The following LUZP2 variants were observed in gnomAD, a reference collection of about 807,000 sequenced individuals.
LUZP2 encodes the protein leucine zipper protein 2.
In LUZP2, 52 loss-of-function variants were observed where a neutral mutation model predicts 51.6. The ratio of observed to expected loss-of-function variants is 1.01; its 90% CI spans 0.81 to 1.27. The LOEUF (loss-of-function observed/expected upper bound fraction) is 1.27. Among genes scored for constraint, LUZP2 ranks in the 50% most tolerant of loss-of-function variants. The pLI is 0.00. For synonymous variants in LUZP2, 154 were observed against 137.3 expected, an observed-to-expected ratio of 1.12 and a Z score of -0.85; for missense variants, 436 against 395.4, an observed-to-expected ratio of 1.10 and a Z score of -0.87.
chr11:24,720,398 G>A (rs1184182401), intron 1 of LUZP2, among the ~76,000 whole-genome samples: 1 of 152,162 alleles, frequency 6.6e-6, no homozygotes, highest in Non-Finnish European at 1.5e-5. Flanking sequence ...GAATCTAGCA[G>A]AAGTATACAT....
chr11:24,749,164 T>C lies in LUZP2; in HGVS notation c.333+10862T>C, dbSNP rs556336927. Among the ~76,000 whole-genome samples the C allele has an allele frequency of 1.4e-4, 22 of 152,286 alleles. No homozygotes were observed. The East Asian group carries it at 3.7e-3, about 25-fold the overall frequency. On this transcript the variant is annotated intron_variant, in intron 4 of 11. Transcript: ENST00000336930. Reference sequence around the variant, plus strand: ...TACAGTAGAGGCCAAAATTTCCAAGTAACCAACTTCAAAGGGAATCGGACC... The same window carrying C: ...TACAGTAGAGGCCAAAATTTCCAAGCAACCAACTTCAAAGGGAATCGGACC...
At chr11:24,651,397 TAC>T (rs1433254936) in intron 1 of LUZP2, among the ~76,000 whole-genome samples, 12 of 151,990 alleles carry the variant, frequency 7.9e-5, no homozygotes, top group Admixed American at 2.6e-4. Context: ...CAACTACAAA[TAC>T]ACACACACAG....
intron 5 of LUZP2, among the ~76,000 whole-genome samples, chr11:24,866,461 T>A (rs1214391773): frequency 6.6e-6 from 1 of 152,160 alleles, no homozygotes; most frequent in Non-Finnish European, 1.5e-5. Context: ...ACTGCTCAAG[T>A]TTCTTTCAGA....
intron 1 of LUZP2, among the ~76,000 whole-genome samples, chr11:24,541,919 A>AC (rs1851379273): frequency 6.6e-6 from 1 of 151,196 alleles, no homozygotes; most frequent in East Asian, 1.9e-4. Context: ...GAAAAAAAAA[A>AC]CACCTGTTAG....
chr11:24,544,657 C>T (rs1851484707), intron 1 of LUZP2, among the ~76,000 whole-genome samples: 1 of 152,058 alleles, frequency 6.6e-6, no homozygotes, highest in Non-Finnish European at 1.5e-5. Context: ...TGTATACATA[C>T]CATATTTCCT....
chr11:24,566,081 G>GA (rs1293255011), intron 1 of LUZP2, among the ~76,000 whole-genome samples: 1 of 151,602 alleles, frequency 6.6e-6, no homozygotes, highest in African/African-American at 2.4e-5. Context: ...TGTACATATA[G>GA]AAAAAATGCG....
chr11:24,817,919 TA>T (rs754763156), intron 5 of LUZP2, among the ~76,000 whole-genome samples: 2 of 152,078 alleles, frequency 1.3e-5, no homozygotes, highest in Non-Finnish European at 2.9e-5. Context: ...TTTTTGCAAA[TA>T]TGTAGATAAT....
chr11:24,984,346 G>A (rs939107606), intron 9 of LUZP2, among the ~76,000 whole-genome samples: 1 of 151,000 alleles, frequency 6.6e-6, no homozygotes. Flanking sequence ...ATAATAGAAT[G>A]AAGTAAATCT....
rs1437200325 is a variant in LUZP2 at position 25,042,771 on chromosome 11, T to A, written c.766-7267T>A. On this transcript the variant is annotated intron_variant, in intron 9 of 11. Coordinates refer to ENST00000336930, the MANE Select transcript of LUZP2 (RefSeq NM_001009909.4). ...TCTATATCTGCCCCCATTACCACCT[T>A]GCCTTCTATTCCATGTTTCTGTGTG... is the stretch of plus-strand genomic sequence containing the variant. Among the ~76,000 whole-genome samples the A allele has an allele frequency of 3.3e-5, 5 of 152,262 alleles. No homozygotes were observed. In the East Asian group the frequency reaches 9.7e-4, roughly 29 times the overall value.
At chr11:24,753,087 G>A (rs1051820251) in intron 4 of LUZP2, among the ~76,000 whole-genome samples, 5 of 151,972 alleles carry the variant, frequency 3.3e-5, no homozygotes, top group Non-Finnish European at 7.4e-5. Context: ...ATAAAATAAA[G>A]TAAAACCATT....
At chr11:24,506,463 A>G (rs1850148686) in intron 1 of LUZP2, among the ~76,000 whole-genome samples, 1 of 152,122 alleles carries the variant, frequency 6.6e-6, no homozygotes, top group Non-Finnish European at 1.5e-5. Flanking sequence ...TTTTTCCTTC[A>G]GATGCCACAG....
chr11:24,497,101 C>T lies in LUZP2; in HGVS notation c.-143C>T, dbSNP rs543466420. On this transcript the variant is annotated 5_prime_UTR_variant, in exon 1 of 12. Transcript: ENST00000336930. ...CCAGCGCCTGCCTTCCCCAGGCGTC[C>T]GTTCGTGTGCCCGTCTCCGCCTTTC... 60 of 622,248 alleles carry T rather than the reference C, an allele frequency of 9.6e-5. No homozygotes were observed. The African/African-American group carries it at 9.9e-4, about 10-fold the overall frequency. 38.5% of individuals were successfully genotyped at this position (622,248 alleles called of 1,614,324 possible). A position where few individuals can be genotyped will look rare whatever the true frequency, so the allele number is the denominator to read the frequency against.
intron 3 of LUZP2, among the ~76,000 whole-genome samples, chr11:24,735,516 A>G (rs565220197): frequency 1.3e-5 from 2 of 152,008 alleles, no homozygotes; most frequent in Non-Finnish European, 2.9e-5. Context: ...AAAGCACTTT[A>G]CAATAATGTT....
chr11:24,522,373 C>A (rs890214395), intron 1 of LUZP2, among the ~76,000 whole-genome samples: 1 of 147,714 alleles, frequency 6.8e-6, no homozygotes, highest in Admixed American at 6.7e-5. Context: ...GGCATATTTT[C>A]TTGAAAGAAG....
At chr11:24,888,071 T>C (rs1439425798) in intron 5 of LUZP2, among the ~76,000 whole-genome samples, 1 of 152,220 alleles carries the variant, frequency 6.6e-6, no homozygotes, top group Non-Finnish European at 1.5e-5. Context: ...TTTATTATAT[T>C]TGGAAATTTT....
chr11:24,705,769 A>G (rs1336374382), intron 1 of LUZP2, among the ~76,000 whole-genome samples: 1 of 152,208 alleles, frequency 6.6e-6, no homozygotes, highest in Non-Finnish European at 1.5e-5. Flanking sequence ...GTGACATTTT[A>G]CATTTTCAAG....
chr11:24,610,485 T>C (rs371330207), intron 1 of LUZP2, among the ~76,000 whole-genome samples: 3 of 152,150 alleles, frequency 2.0e-5, no homozygotes, highest in South Asian at 4.1e-4. Context: ...TGATGAATGA[T>C]TGAATGAACA....
intron 5 of LUZP2, among the ~76,000 whole-genome samples, chr11:24,845,199 A>G (rs573514243): frequency 3.3e-5 from 5 of 152,318 alleles, no homozygotes; most frequent in Non-Finnish European, 2.9e-5. Context: ...GCCTAAGACC[A>G]TGGGAACCCA....
At chr11:25,033,656 A>T (rs1217127567) in intron 9 of LUZP2, among the ~76,000 whole-genome samples, 1 of 152,122 alleles carries the variant, frequency 6.6e-6, no homozygotes, top group East Asian at 1.9e-4. Flanking sequence ...GCTCCTACTT[A>T]TAAGTGAAAA....
Sources: allele counts gnomAD v4.1 joint callset (sites outside exome capture counted in the v4.1 genomes callset), GRCh38; gene constraint gnomAD v4.1.1; transcripts MANE v1.5; gene names NCBI Gene and HGNC (gene_info 2026-07-23, HGNC 2026-07-21).